Variants in DCAF12 observed in about 807,000 individuals in gnomAD.
The protein encoded by DCAF12 is DDB1 and CUL4 associated factor 12.
DCAF12 carries 28 observed loss-of-function variants against 52.8 expected under a neutral mutation model. That is an observed-to-expected ratio of 0.53 (90% CI 0.39 to 0.73). The LOEUF (loss-of-function observed/expected upper bound fraction) is 0.73. Among genes scored for constraint, DCAF12 ranks in the 30% least tolerant of loss-of-function variants. The probability of loss-of-function intolerance (pLI) is 0.00; values close to 1 mark genes in which losing one functional copy is unlikely to be tolerated. For missense variants in DCAF12, 425 were observed against 552.2 expected, an observed-to-expected ratio of 0.77 and a Z score of 2.31; for synonymous variants, 196 against 215.5, an observed-to-expected ratio of 0.91 and a Z score of 0.79.
intron 6 of DCAF12, chr9:34,095,719 C>T (rs7853415): frequency 0.9 from 136,600 of 152,036 alleles, 61,392 homozygotes; most frequent in African/African-American, 0.91. Context: ...TTAGGGATGA[C>T]CAATTTGTAT....
At position 34,107,369 on chromosome 9, in the gene DCAF12, C is replaced by T. The variant is rs1194139089; in HGVS notation, c.530G>A (p.Cys177Tyr). 6.2e-7 allele frequency: 1 copy of T among 1,614,086 alleles called. No homozygotes were observed. The highest frequency in any genetic ancestry group is 1.1e-5 in the South Asian group (1 of 91,082). Residue 177 changes from cysteine (C) to tyrosine (Y), a missense_variant, in exon 3 of 9, where the codon TGT (cysteine) becomes TAT (tyrosine). Physicochemically the swap from Cys to Tyr is radical, Grantham distance 194. Around this residue, in one of 3 missense-constraint regions of DCAF12, gnomAD observed 328 missense variants for 444.4 expected, o/e 0.74. Coordinates refer to ENST00000361264, the MANE Select transcript of DCAF12 (RefSeq NM_015397.4). ...IYRLPTLDPV[C>Y]VGDDGHKDWI... is the part of the protein sequence containing the mutation. ...ACTGGGAAAACTTACATCTCCTACACACACAGGATCCAGCGTAGGTAGTCG... is the reference window on the plus strand; with the variant it reads ...ACTGGGAAAACTTACATCTCCTACATACACAGGATCCAGCGTAGGTAGTCG...
chr9:34,125,212 G>GTA lies in DCAF12; in HGVS notation c.142_143dup (p.Tyr49ThrfsTer3). 1 of 1,614,184 alleles carries GTA rather than the reference G, an allele frequency of 6.2e-7. No homozygotes were observed. The highest frequency in any genetic ancestry group is 8.5e-7 in the Non-Finnish European group (1 of 1,180,040). ...GCCTGACTTCCCGGTTCTTCAAGTA[G>GTA]TATACTAAGGATCTCTTCACAGGAG... On this transcript the variant is annotated frameshift_variant, in exon 2 of 9. Transcript: ENST00000361264. LOFTEE classifies it high-confidence loss of function.
rs529121243 is a variant in DCAF12 at position 34,118,227 on chromosome 9, G to T, written c.333+6796C>A. On this transcript the variant is annotated intron_variant, in intron 2 of 8. Transcript: ENST00000361264. The stretch of plus-strand genomic sequence containing the variant: ...CAGTTCACTACAACCTCTGCCTCCC[G>T]GGTTCAAGCGACTGTCCTGACTCAG... Among the ~76,000 whole-genome samples, 16 of 152,218 alleles carry T rather than the reference G, an allele frequency of 1.1e-4. No homozygotes were observed. In the East Asian group the frequency reaches 2.9e-3, roughly 28 times the overall value.
rs757316925 is a variant in DCAF12, at chr9:34,096,684, T to C, written c.861+32A>G. ...GTATTTTAACTGTAAGGTGAATTAT[T>C]AGGTAAAACCACAAAATCATGTTCA... On this transcript the variant is annotated intron_variant, in intron 6 of 8. Transcript: ENST00000361264. The C allele has an allele frequency of 6.3e-6, 10 of 1,584,062 alleles. No individual in the cohort carries two copies. In the Admixed American group the frequency reaches 1.0e-4, roughly 16 times the overall value.
chr9:34,106,542 G>A (rs370693262), intron 3 of DCAF12, 48 bp from the exon 4 acceptor site: 4 of 1,454,842 alleles, frequency 2.7e-6, no homozygotes, highest in Non-Finnish European at 3.8e-6. Flanking sequence ...TAAGAAATTA[G>A]TAAAATAAGG....
Position 34,107,541 on chromosome 9 carries a change from T to C in DCAF12, c.358A>G (p.Ser120Gly). ...AGAATGGGGATCTTGGTGATCTGGC[T>C]TGTCTGGACATCTACGACAAATAGC... ...NTLFVVDVQT[S>G]QITKIPILKD... is the part of the protein sequence containing the mutation. The change falls in exon 3 of 9, where the codon AGC (serine) becomes GGC (glycine). Residue 120 changes from serine (S) to glycine (G), a missense_variant. Around this residue, in one of 3 missense-constraint regions of DCAF12, gnomAD observed 328 missense variants for 444.4 expected, o/e 0.74. Transcript: ENST00000361264. 3.7e-6 allele frequency: 6 copies of C among 1,614,148 alleles called. No individual in the cohort carries two copies. The highest frequency in any genetic ancestry group is 5.1e-6 in the Non-Finnish European group (6 of 1,180,026).
At chr9:34,106,174 C>T (rs1354162780) in intron 4 of DCAF12, among the ~76,000 whole-genome samples, 4 of 152,132 alleles carry the variant, frequency 2.6e-5, no homozygotes, top group African/African-American at 9.7e-5. Flanking sequence ...CTTGATGCAG[C>T]CTGGTTCTCC....
rs764283299 is a variant in DCAF12, at chr9:34,089,484, G to A, written c.1131C>T (p.Leu377=). 1.9e-6 allele frequency: 3 copies of A among 1,614,174 alleles called. No homozygotes were observed. The highest frequency in any genetic ancestry group is 1.7e-6 in the Non-Finnish European group (2 of 1,180,040). ...IRAQRFLEER[L]SACYGSKPRL... ...TGGGCTTGGACCCATAACAAGCTGA[G>A]AGCCTCTCTTCCAGAAATCTCTGAG... Residue 377 remains leucine, a synonymous_variant, in exon 8 of 9, where the codon CTC becomes CTT. Transcript: ENST00000361264.
chr9:34,115,516 T>G (rs1469522051), intron 2 of DCAF12, among the ~76,000 whole-genome samples: 1 of 144,984 alleles, frequency 6.9e-6, no homozygotes, highest in Non-Finnish European at 1.5e-5. Context: ...GGAGAATTAC[T>G]TGAACCCGGT....
chr9:34,118,916 G>C (rs897257087), intron 2 of DCAF12, among the ~76,000 whole-genome samples: 3 of 152,172 alleles, frequency 2.0e-5, no homozygotes, highest in Non-Finnish European at 2.9e-5. Context: ...AGTGAGCCAA[G>C]ATTGCGCCAG....
At chr9:34,123,104 G>A (rs1181243262) in intron 2 of DCAF12, among the ~76,000 whole-genome samples, 1 of 152,170 alleles carries the variant, frequency 6.6e-6, no homozygotes, top group East Asian at 1.9e-4. Context: ...TGCTGTTACT[G>A]CTGTGCTAGC....
At chr9:34,109,446 A>T in intron 2 of DCAF12, 1 of 189,634 alleles carries the variant, frequency 5.3e-6, no homozygotes, top group Non-Finnish European at 1.1e-5. Flanking sequence ...AGCTGTTTTC[A>T]CCTTGTGGGG....
At chr9:34,116,752 G>C (rs1233610068) in intron 2 of DCAF12, among the ~76,000 whole-genome samples, 1 of 152,106 alleles carries the variant, frequency 6.6e-6, no homozygotes, top group Non-Finnish European at 1.5e-5. Context: ...AGGCTGAGGG[G>C]GGCAGATCAC....
intron 2 of DCAF12, among the ~76,000 whole-genome samples, chr9:34,122,176 C>T (rs1232293007): frequency 6.6e-6 from 1 of 152,048 alleles, no homozygotes; most frequent in Admixed American, 6.6e-5. Flanking sequence ...CTAAGAACGA[C>T]TTCCCACACC....
At chr9:34,125,461 G>A (rs1161381081) in intron 1 of DCAF12, 184 bp from the exon 2 acceptor site, 2 of 703,882 alleles carry the variant, frequency 2.8e-6, no homozygotes, top group East Asian at 5.5e-5. Flanking sequence ...TTAAAAAGAT[G>A]TTGCTCACAG....
At chr9:34,088,641 T>C (rs1275635386) in intron 8 of DCAF12, 133 bp from the exon 9 acceptor site, 11 of 971,560 alleles carry the variant, frequency 1.1e-5, no homozygotes, top group East Asian at 2.5e-5. Flanking sequence ...TGTCAGGAGA[T>C]TGGCTGGTTG....
At chr9:34,125,528 A>G (rs1403665168) in intron 1 of DCAF12, 1 of 603,326 alleles carries the variant, frequency 1.7e-6, no homozygotes, top group East Asian at 3.5e-5. Flanking sequence ...AATGCAGAAT[A>G]GAACAGACTA....
At chr9:34,101,191 C>T (rs1828824279) in intron 4 of DCAF12, among the ~76,000 whole-genome samples, 1 of 151,716 alleles carries the variant, frequency 6.6e-6, no homozygotes, top group Non-Finnish European at 1.5e-5. Context: ...CCTGCCCCAG[C>T]CTCCCAAGTA....
chr9:34,110,752 C>T (rs557476656), intron 2 of DCAF12, among the ~76,000 whole-genome samples: 24 of 151,936 alleles, frequency 1.6e-4, no homozygotes, highest in African/African-American at 5.8e-4. Flanking sequence ...CCACTGCACT[C>T]GCACCTGGGT....
Sources: allele counts gnomAD v4.1 joint callset (sites outside exome capture counted in the v4.1 genomes callset), GRCh38; gene constraint gnomAD v4.1.1; regional missense constraint gnomAD v4.1.1; transcripts MANE v1.5; gene names NCBI Gene and HGNC (gene_info 2026-07-23, HGNC 2026-07-21).